Variants in PLA2G7 observed in about 807,000 individuals in gnomAD.
PLA2G7 encodes the protein platelet-activating factor acetylhydrolase.
A neutral mutation model predicts 49.6 loss-of-function variants in PLA2G7; 63 were observed. The ratio of observed to expected loss-of-function variants is 1.27; its 90% CI spans 1.04 to 1.57. PLA2G7 has a LOEUF of 1.57. Among genes scored for constraint, PLA2G7 ranks in the 40% most tolerant of loss-of-function variants. The pLI, the probability that PLA2G7 is intolerant of heterozygous loss-of-function variation, is 0.00. For synonymous variants in PLA2G7, 193 were observed against 169.9 expected (o/e 1.14, Z -1.06); for missense variants, 596 against 521.2 (o/e 1.14, Z -1.40).
chr6:46,705,026 T>G, intron 11 of PLA2G7, 127 bp downstream of exon 11: 1 of 741,178 alleles, frequency 1.3e-6, no homozygotes, highest in South Asian at 1.7e-5. Context: ...GTTTTCAAAT[T>G]GATATACTGC....
At chr6:46,729,077 C>T (rs1241277700) in intron 1 of PLA2G7, among the ~76,000 whole-genome samples, 1 of 152,164 alleles carries the variant, frequency 6.6e-6, no homozygotes, top group Non-Finnish European at 1.5e-5. Context: ...AATTGCTACA[C>T]AGCCCCAGGA....
chr6:46,723,045 C>G, intron 1 of PLA2G7, 120 bp from the exon 2 acceptor site: 1 of 648,702 alleles, frequency 1.5e-6, no homozygotes, highest in Non-Finnish European at 2.8e-6. Flanking sequence ...CATGTATTTT[C>G]TGTGCTGGGT....
At chr6:46,711,307 T>C (rs1422281987) in intron 7 of PLA2G7, among the ~76,000 whole-genome samples, 189 bp downstream of exon 7, 1 of 152,228 alleles carries the variant, frequency 6.6e-6, no homozygotes, top group East Asian at 1.9e-4. Context: ...TTGCCTTTGT[T>C]TTTACTATGA....
At position 46,716,509 on chromosome 6, in the gene PLA2G7, T is replaced by C. The variant is rs368234407; in HGVS notation, c.251A>G (p.Tyr84Cys). 26 of 1,613,926 alleles carry C rather than the reference T, an allele frequency of 1.6e-5. No individual in the cohort carries two copies. The African/African-American group carries it at 2.9e-4, about 18-fold the overall frequency. ...HTNKGTFLRLYYPSQDNDRLD... is the reference protein window; with the variant it reads ...HTNKGTFLRLCYPSQDNDRLD... ...GCGATCATTATCTTGGGATGGATAATATAAACGCAAGAAGGTGCCCTGTTA... is the reference window on the plus strand; with the variant it reads ...GCGATCATTATCTTGGGATGGATAACATAAACGCAAGAAGGTGCCCTGTTA... The change falls in exon 4 of 12, where the codon TAT (tyrosine) becomes TGT (cysteine). Residue 84 changes from tyrosine to cysteine, a missense_variant. Coordinates refer to ENST00000274793, the MANE Select transcript of PLA2G7 (RefSeq NM_005084.4).
intron 1 of PLA2G7, among the ~76,000 whole-genome samples, chr6:46,734,717 G>C (rs913406060): frequency 1.3e-5 from 2 of 151,928 alleles, no homozygotes; most frequent in African/African-American, 4.8e-5. Flanking sequence ...CAGCTACTCG[G>C]GAAGTTGAGG....
chr6:46,716,844 A>G (rs1765218654), intron 3 of PLA2G7, 131 bp downstream of exon 3: 2 of 924,066 alleles, frequency 2.2e-6, no homozygotes, highest in South Asian at 1.4e-5. Context: ...AAGCCTTCAT[A>G]TGAAACAATA....
chr6:46,705,111 G>A, intron 11 of PLA2G7, 42 bp downstream of exon 11: 2 of 1,430,570 alleles, frequency 1.4e-6, no homozygotes, highest in African/African-American at 1.4e-5. Context: ...GCTTTGTCCT[G>A]AGATTCATCT....
intron 1 of PLA2G7, among the ~76,000 whole-genome samples, chr6:46,727,447 C>T (rs1178595917): frequency 6.6e-6 from 1 of 152,160 alleles, no homozygotes. Context: ...AGAAAATGCT[C>T]ATTTGTTAAG....
Position 46,716,463 on chromosome 6 carries a change from T to C in PLA2G7, c.297A>G (p.Pro99=). ...DNDRLDTLWI[P]NKEYFWGLSK... ...TAAGACCCCAAAAATATTCTTTATT[T>C]GGGATCCAAAGGGTGTCAAGGCGAT... Residue 99 remains proline, a synonymous_variant, in exon 4 of 12, where the codon CCA becomes CCG. Transcript: ENST00000274793. The C allele has an allele frequency of 6.2e-7, 1 of 1,614,016 alleles. No homozygotes were observed.
chr6:46,721,091 A>T (rs1483800510), intron 2 of PLA2G7, among the ~76,000 whole-genome samples: 1 of 152,118 alleles, frequency 6.6e-6, no homozygotes, highest in Non-Finnish European at 1.5e-5. Flanking sequence ...CCCAGGCTGG[A>T]GTGCAGTGGT....
At chr6:46,710,505 G>T in intron 8 of PLA2G7, 40 bp downstream of exon 8, 1 of 1,240,488 alleles carries the variant, frequency 8.1e-7, no homozygotes. Flanking sequence ...AAACAATAAA[G>T]AACTGTAGGA....
At position 46,712,252 on chromosome 6, in the gene PLA2G7, T is replaced by C; in HGVS notation, c.539+17A>G. The C allele has an allele frequency of 6.4e-7, 1 of 1,565,186 alleles. No individual in the cohort carries two copies. The highest frequency in any genetic ancestry group is 1.1e-5 in the South Asian group (1 of 90,086). On this transcript the variant is annotated intron_variant, in intron 6 of 11. Transcript: ENST00000274793. ...CCTGTAGTTGGCCAAAGAGCCCAAT[T>C]ATATCAGGTAACATACCTGTGTTCT...
intron 3 of PLA2G7, 56 bp downstream of exon 3, chr6:46,716,919 C>T (rs141255331): frequency 1.3e-6 from 2 of 1,562,016 alleles, no homozygotes; most frequent in African/African-American, 1.4e-5. Context: ...TCTAGTGGTC[C>T]ATAGCGACAG....
intron 7 of PLA2G7, among the ~76,000 whole-genome samples, 156 bp from the exon 8 acceptor site, chr6:46,710,814 C>T (rs566336498): frequency 3.3e-5 from 5 of 152,222 alleles, no homozygotes; most frequent in African/African-American, 9.6e-5. Flanking sequence ...TGACACAGGC[C>T]CCAGCTTTGC....
intron 7 of PLA2G7, among the ~76,000 whole-genome samples, chr6:46,711,110 A>G (rs1009452959): frequency 6.6e-6 from 1 of 152,196 alleles, no homozygotes; most frequent in Non-Finnish European, 1.5e-5. Flanking sequence ...TCAAACATAG[A>G]AAGTTGGGTT....
At chr6:46,718,872 G>A (rs1289128815) in intron 2 of PLA2G7, among the ~76,000 whole-genome samples, 1 of 152,172 alleles carries the variant, frequency 6.6e-6, no homozygotes, top group Non-Finnish European at 1.5e-5. Flanking sequence ...CACAGTGTCT[G>A]GCACATAGTC....
Position 46,711,551 on chromosome 6 carries a change from C to T in PLA2G7, c.608G>A (p.Trp203Ter), listed in dbSNP as rs1302205035. 6.2e-7 allele frequency: 1 copy of T among 1,613,760 alleles called. No individual in the cohort carries two copies. The highest frequency in any genetic ancestry group is 2.2e-5 in the East Asian group (1 of 44,860). Reference protein sequence around the residue: ...QSAAEIGDKSWLYLRTLKQEE... With the variant: ...QSAAEIGDKS ...TTGTTTCAGGGTTCTAAGGTAGAGC[C>T]AAGACTTGTCCCCTATTTCTGCAGC... The change falls in exon 7 of 12, where the codon TGG becomes TAG. Residue 203 changes from tryptophan (W) to a stop codon, truncating the protein, a stop_gained. Transcript: ENST00000274793. LOFTEE classifies it high-confidence loss of function.
At chr6:46,716,924 C>T (rs369998052) in intron 3 of PLA2G7, 51 bp downstream of exon 3, 83 of 1,581,236 alleles carry the variant, frequency 5.2e-5, no homozygotes, top group African/African-American at 3.9e-4. Context: ...TGGTCCATAG[C>T]GACAGACAAT....
intron 1 of PLA2G7, among the ~76,000 whole-genome samples, chr6:46,728,461 C>A (rs1562080636): frequency 1.3e-5 from 2 of 152,196 alleles, no homozygotes; most frequent in Non-Finnish European, 2.9e-5. Context: ...GCTGGGGCAA[C>A]TCTATCCTTG....
Sources: allele counts gnomAD v4.1 joint callset (sites outside exome capture counted in the v4.1 genomes callset), GRCh38; gene constraint gnomAD v4.1.1; transcripts MANE v1.5; gene names NCBI Gene and HGNC (gene_info 2026-07-23, HGNC 2026-07-21).